Variants in RFTN1 observed in about 807,000 individuals in gnomAD.
RFTN1 encodes raftlin, lipid raft linker 1, also known as raftlin.
A neutral mutation model predicts 46.5 loss-of-function variants in RFTN1; 26 were observed. The ratio of observed to expected loss-of-function variants is 0.56; its 90% confidence interval spans 0.41 to 0.78. RFTN1 has a LOEUF of 0.78. Ranked by LOEUF, RFTN1 falls within the 30% of genes least tolerant of loss-of-function variation. The pLI is 0.00. For synonymous variants in RFTN1, 261 were observed against 284.2 expected (o/e 0.92, Z 0.82); for missense variants, 693 against 718.7 (o/e 0.96, Z 0.41).
At chr3:16,354,369 C>T (rs374991255) in intron 7 of RFTN1, among the ~76,000 whole-genome samples, 1 of 152,250 alleles carries the variant, frequency 6.6e-6, no homozygotes. Context: ...CACAAGATCT[C>T]TCCTCCATCT....
chr3:16,470,133 G>A (rs2076169139), intron 2 of RFTN1, among the ~76,000 whole-genome samples: 1 of 152,174 alleles, frequency 6.6e-6, no homozygotes, highest in Admixed American at 6.5e-5. Context: ...TCTTTAAAAT[G>A]GGGATATTTG....
rs2074729209 is a variant in RFTN1 at position 16,404,010 on chromosome 3, ATAT to A, written c.441+5362_441+5364del. Among the ~76,000 whole-genome samples the A allele has an allele frequency of 2.9e-4, 2 of 6,876 alleles. 1 individual carries two copies. Among genetic ancestry groups the A allele is most frequent in the African/African-American group, 1.9e-3 (2 of 1,036 alleles). 4.5% of individuals were successfully genotyped at this position (6,876 alleles called of 152,430 possible). ...AATATATAATATATATTTTATATAT[ATAT>A]TATATTTTATATATAATATATAATA... On this transcript the variant is annotated intron_variant, in intron 4 of 9. Transcript: ENST00000334133.
At position 16,446,774 on chromosome 3, in the gene RFTN1, A is replaced by C. The variant is rs1033257372; in HGVS notation, c.146-12737T>G. Among the ~76,000 whole-genome samples the C allele has an allele frequency of 2.0e-5, 3 of 151,434 alleles. No homozygotes were observed. Among genetic ancestry groups the C allele is most frequent in the Non-Finnish European group, 4.4e-5 (3 of 67,792 alleles). ...GTGCGGTACCCGAGGGTATGAGCAC[A>C]CTTGAGTTTGGCATCTACACAGGAA... On this transcript the variant is annotated intron_variant, in intron 2 of 9. Transcript: ENST00000334133. The surrounding 1 kb of genome is among the most constrained non-coding windows in gnomAD (Gnocchi z 4.5).
chr3:16,317,566 AGAG>A lies in RFTN1; in HGVS notation c.1333-337_1333-335del, dbSNP rs1192429158. ...CCTATCATTTGGAGGGCCAGGATGG[AGAG>A]GAGATGTGAGGCCTGCCCCCAGTAA... is the stretch of plus-strand genomic sequence containing the variant. On this transcript the variant is annotated intron_variant, in intron 9 of 9. Coordinates refer to ENST00000334133, the MANE Select transcript of RFTN1 (RefSeq NM_015150.2). This position sits in a 1 kb window ranked among gnomAD's most constrained non-coding sequence, Gnocchi z 4.3. Among the ~76,000 whole-genome samples the A allele has an allele frequency of 6.6e-6, 1 of 152,174 alleles. No individual in the cohort carries two copies. Among genetic ancestry groups the A allele is most frequent in the Non-Finnish European group, 1.5e-5 (1 of 68,034 alleles).
At chr3:16,476,909 C>G (rs978261433) in intron 2 of RFTN1, among the ~76,000 whole-genome samples, 1 of 152,104 alleles carries the variant, frequency 6.6e-6, no homozygotes, top group Non-Finnish European at 1.5e-5. Flanking sequence ...TTTCTCTGTT[C>G]CGTACAATTA....
rs2072107205 is a variant in RFTN1 at position 16,351,588 on chromosome 3, C to A, written c.1146+6344G>T. On this transcript the variant is annotated intron_variant, in intron 7 of 9. Coordinates refer to ENST00000334133, the MANE Select transcript of RFTN1 (RefSeq NM_015150.2). This position sits in a 1 kb window ranked among gnomAD's most constrained non-coding sequence, Gnocchi z 5.4. The stretch of plus-strand genomic sequence containing the variant: ...CTGTACTTGCAGAAATACAAGTCCA[C>A]CCTGACAGAAGTCAAGTCCTCGCAG... Among the ~76,000 whole-genome samples, 1 of 152,152 alleles carries A rather than the reference C, an allele frequency of 6.6e-6. No individual in the cohort carries two copies. Among genetic ancestry groups the A allele is most frequent in the Admixed American group, 6.5e-5 (1 of 15,282 alleles).
At chr3:16,343,413 T>C (rs2071437131) in intron 7 of RFTN1, among the ~76,000 whole-genome samples, 1 of 152,212 alleles carries the variant, frequency 6.6e-6, no homozygotes. Flanking sequence ...TTCAAAGATA[T>C]GAGGAAGCCA....
chr3:16,319,638 T>TG (rs1401234885), intron 9 of RFTN1, among the ~76,000 whole-genome samples: 4 of 152,212 alleles, frequency 2.6e-5, no homozygotes, highest in African/African-American at 9.6e-5. Context: ...CTTCCATAGT[T>TG]TCCCCTGGAT....
intron 3 of RFTN1, among the ~76,000 whole-genome samples, chr3:16,417,354 T>G (rs2075102402): frequency 6.6e-6 from 1 of 152,032 alleles, no homozygotes; most frequent in Non-Finnish European, 1.5e-5. Flanking sequence ...ACCTTATATC[T>G]AGAACTTGGG....
At chr3:16,372,247 G>A (rs2073545276) in intron 5 of RFTN1, among the ~76,000 whole-genome samples, 1 of 152,168 alleles carries the variant, frequency 6.6e-6, no homozygotes, top group Admixed American at 6.5e-5. Flanking sequence ...TGTTACCACT[G>A]GGGCAGCTAG....
rs1011162530 is a variant in RFTN1 at position 16,352,585 on chromosome 3, A to C, written c.1146+5347T>G. Among the ~76,000 whole-genome samples the C allele has an allele frequency of 3.8e-4, 58 of 152,338 alleles. No homozygotes were observed. Among genetic ancestry groups the C allele is most frequent in the African/African-American group, 1.3e-3 (56 of 41,572 alleles). On this transcript the variant is annotated intron_variant, in intron 7 of 9. Transcript: ENST00000334133. This position sits in a 1 kb window ranked among gnomAD's most constrained non-coding sequence, Gnocchi z 4.6. ...TGCAATTATTTGTATTTGACTCTACAGGTTCCCTAGCCCAACCTCCTCTGT... is the reference window on the plus strand; with the variant it reads ...TGCAATTATTTGTATTTGACTCTACCGGTTCCCTAGCCCAACCTCCTCTGT...
chr3:16,319,959 T>C (rs1173096954), intron 9 of RFTN1, among the ~76,000 whole-genome samples: 2 of 152,210 alleles, frequency 1.3e-5, no homozygotes, highest in Non-Finnish European at 2.9e-5. Flanking sequence ...TAAAACAGGT[T>C]GCACTGAGTT....
At chr3:16,403,194 G>A (rs577795105) in intron 4 of RFTN1, among the ~76,000 whole-genome samples, 29 of 152,242 alleles carry the variant, frequency 1.9e-4, no homozygotes, top group Middle Eastern at 6.8e-3. Flanking sequence ...TTCTGGCTCT[G>A]ACAGCCTCCA....
chr3:16,463,553 A>T (rs1299559279), intron 2 of RFTN1, among the ~76,000 whole-genome samples: 1 of 151,956 alleles, frequency 6.6e-6, no homozygotes, highest in African/African-American at 2.4e-5. Flanking sequence ...TCTTTGTTTA[A>T]ATTTTTCATA....
At position 16,466,378 on chromosome 3, in the gene RFTN1, A is replaced by G. The variant is rs2076092229; in HGVS notation, c.145+27347T>C. 6.6e-6 allele frequency among the ~76,000 whole-genome samples: 1 copy of G among 152,212 alleles called. No homozygotes were observed. The highest frequency in any genetic ancestry group is 6.5e-5 in the Admixed American group (1 of 15,284). On this transcript the variant is annotated intron_variant, in intron 2 of 9. Transcript: ENST00000334133. This position sits in a 1 kb window ranked among gnomAD's most constrained non-coding sequence, Gnocchi z 5.6. ...ATGAAATCTCTGTTGTTATTTACCT[A>G]TGATAGTAAAAATATTGCAAAAATT... is the stretch of plus-strand genomic sequence containing the variant.
At chr3:16,435,406 T>C (rs549708128) in intron 2 of RFTN1, among the ~76,000 whole-genome samples, 1 of 149,880 alleles carries the variant, frequency 6.7e-6, no homozygotes, top group South Asian at 2.1e-4. Flanking sequence ...CCATCTCTGC[T>C]AAAAATATAA....
At position 16,474,806 on chromosome 3, in the gene RFTN1, G is replaced by A. The variant is rs180688247; in HGVS notation, c.145+18919C>T. ...ACATCTTGACAAGTTGGACTCTTTC[G>A]GGACAAAGAATACAAGCTGCATCAG... On this transcript the variant is annotated intron_variant, in intron 2 of 9. Transcript: ENST00000334133. The surrounding 1 kb of genome is among the most constrained non-coding windows in gnomAD (Gnocchi z 5.5). 2.6e-5 allele frequency among the ~76,000 whole-genome samples: 4 copies of A among 152,268 alleles called. No homozygotes were observed. The highest frequency in any genetic ancestry group is 2.0e-4 in the Admixed American group (3 of 15,298).
At position 16,449,367 on chromosome 3, in the gene RFTN1, C is replaced by G. The variant is rs1279839876; in HGVS notation, c.146-15330G>C. Among the ~76,000 whole-genome samples, 2 of 152,140 alleles carry G rather than the reference C, an allele frequency of 1.3e-5. No homozygotes were observed. Among genetic ancestry groups the G allele is most frequent in the African/African-American group, 4.8e-5 (2 of 41,418 alleles). On this transcript the variant is annotated intron_variant, in intron 2 of 9. Coordinates refer to ENST00000334133, the MANE Select transcript of RFTN1 (RefSeq NM_015150.2). This position sits in a 1 kb window ranked among gnomAD's most constrained non-coding sequence, Gnocchi z 5.1. ...CCTGGGTTCAAATTTCAGTGCCATC[C>G]CTTACTAGCCATATGACTTTGGGTG...
intron 2 of RFTN1, 50 bp downstream of exon 2, chr3:16,493,675 C>T: frequency 6.6e-7 from 1 of 1,507,556 alleles, no homozygotes; most frequent in South Asian, 1.2e-5. Context: ...CCTGCAGGCC[C>T]CTGCTGGAGA....
Sources: allele counts gnomAD v4.1 joint callset (sites outside exome capture counted in the v4.1 genomes callset), GRCh38; gene constraint gnomAD v4.1.1; non-coding constraint Gnocchi (gnomAD v3.1); transcripts MANE v1.5; gene names NCBI Gene and HGNC (gene_info 2026-07-23, HGNC 2026-07-21).